Variants in BPI observed in about 807,000 individuals in gnomAD.
The protein encoded by BPI is bactericidal permeability increasing protein, also known as bactericidal permeability-increasing protein.
A neutral mutation model predicts 57.6 loss-of-function variants in BPI; 48 were observed. The ratio of observed to expected loss-of-function variants is 0.83; its 90% confidence interval spans 0.66 to 1.06. The LOEUF is 1.06. BPI is among the 50% of genes least tolerant of loss of function. The pLI is 0.00. For missense variants in BPI, 651 were observed against 609.7 expected (o/e 1.07, Z -0.71); for synonymous variants, 237 against 238.2 (o/e 0.99, Z 0.05).
At chr20:38,312,244 T>C (rs1049643431) in intron 5 of BPI, among the ~76,000 whole-genome samples, 2 of 152,136 alleles carry the variant, frequency 1.3e-5, no homozygotes, top group Non-Finnish European at 2.9e-5. Context: ...TCTGCCTCCC[T>C]CTCTTCCCAT....
intron 1 of BPI, 115 bp downstream of exon 1, chr20:38,304,468 G>T: frequency 7.2e-7 from 1 of 1,388,576 alleles, no homozygotes; most frequent in Non-Finnish European, 9.7e-7. Flanking sequence ...CTCAGGGCAG[G>T]TCCCCTTGCC....
Position 38,334,456 on chromosome 20 carries a change from C to G in BPI, c.1299C>G (p.Asn433Lys). 1 of 1,614,002 alleles carries G rather than the reference C, an allele frequency of 6.2e-7. No homozygotes were observed. The highest frequency in any genetic ancestry group is 8.5e-7 in the Non-Finnish European group (1 of 1,179,858). The change falls in exon 13 of 15, where the codon AAC becomes AAG. Residue 433 changes from asparagine (N) to lysine (K), a missense_variant. By Grantham distance (94) the Asn-to-Lys change is moderately conservative. Transcript: ENST00000642449. The part of the protein sequence containing the change: ...FPVELLQDIM[N>K]YIVPILVLPR... ...TTGAATTGCTGCAGGATATCATGAA[C>G]TACATTGTACCCATTCTTGTGCTGC...
rs369334701 is a variant in BPI, at chr20:38,331,106, T to G, written c.1272+16T>G. 1.4e-5 allele frequency: 23 copies of G among 1,613,550 alleles called. No individual in the cohort carries two copies. In the African/African-American group the frequency reaches 2.1e-4, roughly 15 times the overall value. On this transcript the variant is annotated intron_variant, in intron 12 of 14. Coordinates refer to ENST00000642449, the MANE Select transcript of BPI (RefSeq NM_001725.3). Reference sequence around the variant, plus strand: ...CCCCTTCCCGGTGAGTCTGAGGCCCTTGGTGGCTTCTTCCTCCTTCTGACC... The same window carrying G: ...CCCCTTCCCGGTGAGTCTGAGGCCCGTGGTGGCTTCTTCCTCCTTCTGACC...
chr20:38,323,776 A>C, intron 7 of BPI, 94 bp from the exon 8 acceptor site: 2 of 1,376,794 alleles, frequency 1.5e-6, no homozygotes. Context: ...GCAAGTGTAC[A>C]ATTGGTGTCT....
intron 5 of BPI, among the ~76,000 whole-genome samples, chr20:38,314,376 G>GTGA: frequency 6.9e-6 from 1 of 145,448 alleles, no homozygotes; most frequent in Admixed American, 6.8e-5. Flanking sequence ...GATGATGATG[G>GTGA]TGGTGATGGT....
At chr20:38,308,844 G>A (rs2066252) in intron 2 of BPI, 86 bp from the exon 3 acceptor site, 595,853 of 1,520,466 alleles carry the variant, frequency 0.39, 122,268 homozygotes, top group Admixed American at 0.43. Flanking sequence ...GGTGGGGGAC[G>A]AGTCTGCATT....
intron 2 of BPI, among the ~76,000 whole-genome samples, 159 bp from the exon 3 acceptor site, chr20:38,308,771 T>C (rs2076608187): frequency 1.3e-5 from 2 of 152,224 alleles, no homozygotes; most frequent in South Asian, 4.1e-4. Context: ...TGCCTACATA[T>C]CTGCCAAGCC....
intron 14 of BPI, 64 bp downstream of exon 14, chr20:38,335,738 T>G: frequency 6.6e-7 from 1 of 1,510,164 alleles, no homozygotes; most frequent in Non-Finnish European, 9.2e-7. Context: ...AGCCTATGGC[T>G]GCAATGCTTC....
At position 38,335,669 on chromosome 20, in the gene BPI, C is replaced by G. The variant is rs758365665; in HGVS notation, c.1408C>G (p.His470Asp). 1 of 1,614,164 alleles carries G rather than the reference C, an allele frequency of 6.2e-7. No homozygotes were observed. Among genetic ancestry groups the G allele is most frequent in the African/African-American group, 1.3e-5 (1 of 75,064 alleles). Residue 470 changes from histidine (H) to aspartate (D), a missense_variant, in exon 14 of 15, where the codon CAC (histidine) becomes GAC (aspartate). His to Asp is a moderately conservative substitution (Grantham distance 81). Coordinates refer to ENST00000642449, the MANE Select transcript of BPI (RefSeq NM_001725.3). The stretch of plus-strand genomic sequence containing the variant: ...GCTCTACAACGTAGTGCTTCAGCCT[C>G]ACCAGGTGAGTCCCGGAGTCTTTTC... ...VQLYNVVLQP[H>D]QNFLLFGADV...
At chr20:38,334,354 G>C in intron 12 of BPI, 76 bp from the exon 13 acceptor site, 1 of 1,358,088 alleles carries the variant, frequency 7.4e-7, no homozygotes, top group Non-Finnish European at 1.1e-6. Flanking sequence ...TGACAGAGGT[G>C]GGGTGATGAG....
At position 38,325,139 on chromosome 20, in the gene BPI, C is replaced by T. The variant is rs6069745; in HGVS notation, c.993+306C>T. 1.4e-3 allele frequency among the ~76,000 whole-genome samples: 211 copies of T among 152,302 alleles called. 1 individual carries two copies. Among genetic ancestry groups the T allele is most frequent in the African/African-American group, 4.9e-3 (202 of 41,562 alleles). On this transcript the variant is annotated intron_variant, in intron 9 of 14. Coordinates refer to ENST00000642449, the MANE Select transcript of BPI (RefSeq NM_001725.3). Reference sequence around the variant, plus strand: ...GGGAACCCAGCAGAATAGGGCACCTCCCTACCCTCCTGGAGCTCCCAGACC... The same window carrying T: ...GGGAACCCAGCAGAATAGGGCACCTTCCTACCCTCCTGGAGCTCCCAGACC...
At chr20:38,311,323 A>T (rs1463614189) in intron 4 of BPI, among the ~76,000 whole-genome samples, 1 of 152,240 alleles carries the variant, frequency 6.6e-6, no homozygotes, top group African/African-American at 2.4e-5. Flanking sequence ...TCATTAACCA[A>T]AGCATTGCAT....
intron 10 of BPI, among the ~76,000 whole-genome samples, chr20:38,327,207 C>G (rs117716049): frequency 6.6e-6 from 1 of 152,172 alleles, no homozygotes. Flanking sequence ...AGAATAGGTC[C>G]TAAGAGGTCA....
intron 6 of BPI, among the ~76,000 whole-genome samples, chr20:38,318,785 AC>A (rs2034395610): frequency 6.6e-6 from 1 of 152,112 alleles, no homozygotes; most frequent in African/African-American, 2.4e-5. Context: ...GATATTGGTC[AC>A]TTCTTTTTGG....
At chr20:38,324,646 C>G (rs2076702885) in intron 8 of BPI, 128 bp from the exon 9 acceptor site, 3 of 759,840 alleles carry the variant, frequency 3.9e-6, no homozygotes, top group Non-Finnish European at 6.9e-6. Context: ...GGTCAGTGCT[C>G]TGTTGTCACA....
At chr20:38,310,751 T>A in intron 4 of BPI, 99 bp downstream of exon 4, 2 of 1,470,742 alleles carry the variant, frequency 1.4e-6, no homozygotes, top group Non-Finnish European at 1.8e-6. Context: ...GCCACCTGCA[T>A]GCCAGGCCTT....
chr20:38,334,361 T>G (rs573640080), intron 12 of BPI, 69 bp from the exon 13 acceptor site: 7 of 1,435,998 alleles, frequency 4.9e-6, no homozygotes, highest in African/African-American at 1.4e-5. Context: ...GGTGGGGTGA[T>G]GAGGACTGCT....
intron 11 of BPI, among the ~76,000 whole-genome samples, chr20:38,329,267 C>G (rs1002408539): frequency 1.3e-5 from 2 of 152,080 alleles, no homozygotes; most frequent in African/African-American, 2.4e-5. Flanking sequence ...GTGATGGCCC[C>G]CCGCAGTTAG....
chr20:38,334,889 G>A (rs1348816528), intron 13 of BPI, among the ~76,000 whole-genome samples: 2 of 152,154 alleles, frequency 1.3e-5, no homozygotes, highest in Non-Finnish European at 2.9e-5. Context: ...TTTGGAAGCA[G>A]GATGAGGGGG....
Sources: gnomAD v4.1 joint callset for allele counts (sites outside exome capture counted in the v4.1 genomes callset) on GRCh38, gnomAD v4.1.1 for gene constraint, MANE v1.5 for transcripts, NCBI Gene and HGNC (gene_info 2026-07-23, HGNC 2026-07-21) for gene names.